Variants in ADAM2 observed in about 807,000 individuals in gnomAD.
The protein encoded by ADAM2 is disintegrin and metalloproteinase domain-containing protein 2.
A neutral mutation model predicts 99.3 loss-of-function variants in ADAM2; 101 were observed. The observed-to-expected ratio is 1.02, with a 90% CI of 0.87 to 1.20. The LOEUF is 1.20. ADAM2 is among the 50% of genes most tolerant of loss of function. ADAM2 has a pLI of 0.00. For synonymous variants in ADAM2, 323 were observed against 287.6 expected, an observed-to-expected ratio of 1.12 and a Z score of -1.25; for missense variants, 948 against 878.7, an observed-to-expected ratio of 1.08 and a Z score of -1.00.
intron 7 of ADAM2, among the ~76,000 whole-genome samples, chr8:39,792,972 T>G (rs1273813054): frequency 2.0e-5 from 3 of 152,008 alleles, no homozygotes; most frequent in African/African-American, 7.2e-5. Context: ...AATGACTAAC[T>G]CTAGTCAGTT....
At chr8:39,747,319 T>G (rs2129582614) in intron 18 of ADAM2, among the ~76,000 whole-genome samples, 1 of 152,216 alleles carries the variant, frequency 6.6e-6, no homozygotes, top group South Asian at 2.1e-4. Context: ...AAAAACACAA[T>G]CCATTAAACA....
chr8:39,746,731 A>C, intron 18 of ADAM2, 100 bp from the exon 19 acceptor site: 1 of 886,212 alleles, frequency 1.1e-6, no homozygotes, highest in Non-Finnish European at 1.7e-6. Context: ...ATCTTTGAAC[A>C]ATTTAATAAT....
chr8:39,809,367 A>T, intron 7 of ADAM2, 43 bp downstream of exon 7: 2 of 781,286 alleles, frequency 2.6e-6, no homozygotes, highest in Non-Finnish European at 4.3e-6. Context: ...ACAATCCCTC[A>T]TTGCAAATAT....
intron 7 of ADAM2, among the ~76,000 whole-genome samples, chr8:39,805,897 G>A (rs977870827): frequency 1.3e-5 from 2 of 152,132 alleles, no homozygotes; most frequent in South Asian, 2.1e-4. Context: ...ATGAAATTGT[G>A]GACAATGCAA....
At chr8:39,772,933 T>A (rs1032357402) in intron 11 of ADAM2, among the ~76,000 whole-genome samples, 1 of 151,920 alleles carries the variant, frequency 6.6e-6, no homozygotes, top group Non-Finnish European at 1.5e-5. Flanking sequence ...TCTTAATTAC[T>A]AACTAAAAAC....
intron 14 of ADAM2, among the ~76,000 whole-genome samples, chr8:39,764,142 A>G (rs1802473238): frequency 6.6e-6 from 1 of 152,206 alleles, no homozygotes; most frequent in Non-Finnish European, 1.5e-5. Flanking sequence ...GCAGTGGCTC[A>G]CTTCTTTAAT....
chr8:39,745,003 G>A, intron 19 of ADAM2, 110 bp from the exon 20 acceptor site: 2 of 787,434 alleles, frequency 2.5e-6, no homozygotes, highest in Non-Finnish European at 4.0e-6. Flanking sequence ...TAAGAACTGG[G>A]TTCACCCATT....
At chr8:39,837,523 A>G (rs888708694) in intron 1 of ADAM2, among the ~76,000 whole-genome samples, 5 of 151,966 alleles carry the variant, frequency 3.3e-5, no homozygotes, top group Non-Finnish European at 7.4e-5. Context: ...AGCAGCTGGG[A>G]CTACAGGCAC....
intron 3 of ADAM2, among the ~76,000 whole-genome samples, chr8:39,828,377 T>C (rs1415702957): frequency 3.3e-5 from 5 of 151,822 alleles, no homozygotes; most frequent in Non-Finnish European, 7.4e-5. Context: ...TAGATTCAAT[T>C]ACTCAAGAGT....
chr8:39,800,009 C>T (rs1452676710), intron 7 of ADAM2, among the ~76,000 whole-genome samples: 1 of 152,104 alleles, frequency 6.6e-6, no homozygotes, highest in Non-Finnish European at 1.5e-5. Context: ...TTAATTGGGA[C>T]ATTTAGCTCA....
intron 9 of ADAM2, 94 bp downstream of exon 9, chr8:39,787,991 T>C: frequency 1.2e-6 from 1 of 848,634 alleles, no homozygotes; most frequent in Non-Finnish European, 1.6e-6. Context: ...AAAAAATAGA[T>C]TTTTTTAATA....
chr8:39,814,874 A>G (rs1804874412), intron 6 of ADAM2, among the ~76,000 whole-genome samples: 1 of 151,132 alleles, frequency 6.6e-6, no homozygotes, highest in Admixed American at 6.6e-5. Flanking sequence ...ATGTGATGAT[A>G]ACAAGCTCAA....
intron 12 of ADAM2, 93 bp from the exon 13 acceptor site, chr8:39,767,344 A>G: frequency 9.5e-7 from 1 of 1,057,384 alleles, no homozygotes; most frequent in Non-Finnish European, 1.4e-6. Flanking sequence ...TATAACATAC[A>G]CATAGGTGCT....
At chr8:39,801,343 G>A (rs1014629493) in intron 7 of ADAM2, among the ~76,000 whole-genome samples, 1 of 152,108 alleles carries the variant, frequency 6.6e-6, no homozygotes, top group Non-Finnish European at 1.5e-5. Flanking sequence ...CCTGTGCATG[G>A]AGATGTCACT....
At position 39,788,658 on chromosome 8, in the gene ADAM2, C is replaced by G; in HGVS notation, c.642+11G>C. The G allele has an allele frequency of 1.3e-6, 2 of 1,557,508 alleles. No individual in the cohort carries two copies. The highest frequency in any genetic ancestry group is 1.2e-5 in the South Asian group (1 of 83,702). The stretch of plus-strand genomic sequence containing the variant: ...CAAGAAGTGCAAAAGTACTAAGAAG[C>G]AAAGACTTACAGCATTCGTCAATCC... On this transcript the variant is annotated intron_variant, in intron 8 of 20. Coordinates refer to ENST00000265708, the MANE Select transcript of ADAM2 (RefSeq NM_001464.5).
chr8:39,777,817 A>G (rs1319847177), intron 10 of ADAM2, among the ~76,000 whole-genome samples: 1 of 151,724 alleles, frequency 6.6e-6, no homozygotes, highest in Non-Finnish European at 1.5e-5. Flanking sequence ...ACTATTGTGT[A>G]CCCATAATAA....
chr8:39,796,600 C>A (rs1037158770), intron 7 of ADAM2, among the ~76,000 whole-genome samples: 14 of 152,066 alleles, frequency 9.2e-5, no homozygotes, highest in African/African-American at 3.4e-4. Context: ...GGTTCTAGAC[C>A]CTTGAGGAAT....
chr8:39,824,274 C>CAAAA (rs201545294), intron 4 of ADAM2, among the ~76,000 whole-genome samples: 7 of 83,488 alleles, frequency 8.4e-5, no homozygotes, highest in South Asian at 4.4e-4. Flanking sequence ...AACTCTATCT[C>CAAAA]AAAAAAAAAA....
intron 3 of ADAM2, among the ~76,000 whole-genome samples, chr8:39,833,173 T>A (rs1404940402): frequency 6.6e-6 from 1 of 151,718 alleles, no homozygotes; most frequent in Non-Finnish European, 1.5e-5. Flanking sequence ...AAGGCAGCAC[T>A]TTTTTTCTTC....
Sources: gnomAD v4.1 joint callset for allele counts (sites outside exome capture counted in the v4.1 genomes callset) on GRCh38, gnomAD v4.1.1 for gene constraint, MANE v1.5 for transcripts, NCBI Gene and HGNC (gene_info 2026-07-23, HGNC 2026-07-21) for gene names.